The following SLCO1B3 variants were observed in gnomAD, a reference collection of about 807,000 sequenced individuals.
The protein encoded by SLCO1B3 is liver-specific organic anion transporter 2.
A neutral mutation model predicts 71.8 loss-of-function variants in SLCO1B3; 72 were observed. The observed-to-expected ratio is 1.00, with a 90% CI of 0.83 to 1.22. SLCO1B3 has a LOEUF of 1.22. Ranked by LOEUF, SLCO1B3 falls within the 50% of genes most tolerant of loss-of-function variation. The probability of loss-of-function intolerance (pLI) is 0.00; values close to 1 mark genes in which losing one functional copy is unlikely to be tolerated. For missense variants in SLCO1B3, 911 were observed against 819.7 expected (o/e 1.11, Z -1.36); for synonymous variants, 298 against 278.4 (o/e 1.07, Z -0.70).
In SLCO1B3 at chr12:20,910,663, C is replaced by T. The variant is rs368752900; in HGVS notation, c.1866-5341C>T. On this transcript the variant is annotated intron_variant, in intron 15 of 15. Transcript: ENST00000381545. ...GAGTTGTATAGTTTTCTGCCTATGC[C>T]TTTTGTATATATTTTGCTAAATTTA... is the stretch of plus-strand genomic sequence containing the variant. Among the ~76,000 whole-genome samples, 125 of 152,140 alleles carry T rather than the reference C, an allele frequency of 8.2e-4. 2 individuals carry two copies. In the South Asian group the frequency reaches 0.025, roughly 30 times the overall value.
At chr12:20,879,409 A>G in intron 10 of SLCO1B3, 27 bp from the exon 11 acceptor site, 1 of 1,472,142 alleles carries the variant, frequency 6.8e-7, no homozygotes. Context: ...GTATAATTAT[A>G]GCTTTTTTCT....
intron 5 of SLCO1B3, chr12:20,859,016 G>T (rs142435455): frequency 2.6e-5 from 4 of 152,368 alleles, no homozygotes; most frequent in African/African-American, 9.6e-5. Flanking sequence ...GCTCATATGA[G>T]AAAACTGAAA....
At chr12:20,902,425 T>C (rs1866148212) in intron 15 of SLCO1B3, 2 of 152,364 alleles carry the variant, frequency 1.3e-5, no homozygotes, top group African/African-American at 4.8e-5. Context: ...ATTAGTGATG[T>C]TGAATCCTAA....
chr12:20,890,392 TA>T (rs746755039), intron 13 of SLCO1B3, among the ~76,000 whole-genome samples: 60 of 152,290 alleles, frequency 3.9e-4, no homozygotes, highest in African/African-American at 1.4e-3. Flanking sequence ...TTTTGAGTTT[TA>T]AAAAAAATCA....
At chr12:20,903,492 A>G (rs1866170300) in intron 15 of SLCO1B3, among the ~76,000 whole-genome samples, 1 of 152,182 alleles carries the variant, frequency 6.6e-6, no homozygotes, top group African/African-American at 2.4e-5. Context: ...AGGCTTAACA[A>G]GAAGCATGAC....
intron 1 of SLCO1B3, among the ~76,000 whole-genome samples, chr12:20,812,942 A>G (rs1864133119): frequency 6.6e-6 from 1 of 152,254 alleles, no homozygotes. Flanking sequence ...ATGAAGAAAC[A>G]GAGATATTCG....
At chr12:20,817,219 G>C (rs925296763) in intron 3 of SLCO1B3, among the ~76,000 whole-genome samples, 3 of 152,106 alleles carry the variant, frequency 2.0e-5, no homozygotes, top group African/African-American at 7.2e-5. Flanking sequence ...GATCCTGTTT[G>C]TCAATTTTTC....
chr12:20,831,542 C>T (rs1384112166), intron 3 of SLCO1B3, among the ~76,000 whole-genome samples: 2 of 152,052 alleles, frequency 1.3e-5, no homozygotes, highest in African/African-American at 4.8e-5. Flanking sequence ...TTTGTAAAGA[C>T]TTGTGTGTCT....
chr12:20,818,989 G>C (rs1489119765), intron 3 of SLCO1B3, among the ~76,000 whole-genome samples: 2 of 152,260 alleles, frequency 1.3e-5, no homozygotes, highest in Middle Eastern at 3.2e-3. Context: ...TATGCGTCAG[G>C]TATGAGGAAG....
intron 8 of SLCO1B3, among the ~76,000 whole-genome samples, chr12:20,868,204 A>G (rs993976997): frequency 1.2e-4 from 18 of 152,214 alleles, no homozygotes; most frequent in Non-Finnish European, 2.2e-4. Context: ...ATAAAATTCA[A>G]CATCCCTTCA....
rs566620231 is a variant in SLCO1B3, at chr12:20,909,463, A to G, written c.1866-6541A>G. On this transcript the variant is annotated intron_variant, in intron 15 of 15. Transcript: ENST00000381545. ...GCTGGGATTACAGGTGTGAGCCACC[A>G]CACCCGGTCATGAAGCATCTTCTTA... Among the ~76,000 whole-genome samples the G allele has an allele frequency of 1.6e-3, 239 of 151,332 alleles. 1 individual carries two copies. Among genetic ancestry groups the G allele is most frequent in the African/African-American group, 4.6e-3 (190 of 41,276 alleles).
chr12:20,811,371 G>A lies in SLCO1B3; in HGVS notation c.-181+607G>A, dbSNP rs557860018. On this transcript the variant is annotated intron_variant, in intron 1 of 15. Transcript: ENST00000381545. ...AGAATTAACAGCTCAATAAATAATG[G>A]TCCCCTTCACCCATTCAGGAAGGTG... Among the ~76,000 whole-genome samples, 18 of 152,190 alleles carry A rather than the reference G, an allele frequency of 1.2e-4. No homozygotes were observed. The South Asian group carries it at 3.7e-3, about 32-fold the overall frequency.
intron 12 of SLCO1B3, 45 bp downstream of exon 12, chr12:20,881,065 A>G (rs370961621): frequency 7.3e-7 from 1 of 1,369,286 alleles, no homozygotes; most frequent in Non-Finnish European, 1.0e-6. Context: ...AATCAAAATC[A>G]CAGATTTGAT....
chr12:20,909,341 T>TTTG (rs1051069732), intron 15 of SLCO1B3, among the ~76,000 whole-genome samples: 2 of 149,016 alleles, frequency 1.3e-5, no homozygotes, highest in African/African-American at 4.9e-5. Flanking sequence ...AATTTTTTTT[T>TTTG]TTTTTGTATT....
intron 8 of SLCO1B3, among the ~76,000 whole-genome samples, chr12:20,863,387 A>G (rs2121256514): frequency 6.6e-6 from 1 of 152,282 alleles, no homozygotes; most frequent in South Asian, 2.1e-4. Flanking sequence ...AGGATGCATA[A>G]ATAAAATTTA....
chr12:20,888,748 G>A (rs1865841128), intron 13 of SLCO1B3, among the ~76,000 whole-genome samples: 1 of 151,900 alleles, frequency 6.6e-6, no homozygotes, highest in Non-Finnish European at 1.5e-5. Context: ...AGTGAAAGTG[G>A]GCATCCTCAT....
At chr12:20,823,935 T>C (rs1047595815) in intron 3 of SLCO1B3, among the ~76,000 whole-genome samples, 1 of 152,126 alleles carries the variant, frequency 6.6e-6, no homozygotes, top group African/African-American at 2.4e-5. Flanking sequence ...AATCGGAAAA[T>C]GTCATTCCAG....
At chr12:20,814,686 C>T (rs909093807) in intron 2 of SLCO1B3, among the ~76,000 whole-genome samples, 7 of 151,980 alleles carry the variant, frequency 4.6e-5, no homozygotes, top group Admixed American at 1.3e-4. Flanking sequence ...GTCAGGAGAT[C>T]GAGACCATGC....
chr12:20,916,293 C>CT lies in SLCO1B3; in HGVS notation c.*49dup. ...ATGTTATTTTTGAGGTGTTCCTGGT[C>CT]TTTCACTGACAATTCCAACATTCTT... On this transcript the variant is annotated 3_prime_UTR_variant, in exon 16 of 16. Transcript: ENST00000381545. The CT allele has an allele frequency of 6.4e-7, 1 of 1,559,734 alleles. No homozygotes were observed. Among genetic ancestry groups the CT allele is most frequent in the Non-Finnish European group, 8.7e-7 (1 of 1,143,774 alleles).
Sources: allele counts gnomAD v4.1 joint callset (sites outside exome capture counted in the v4.1 genomes callset), GRCh38; gene constraint gnomAD v4.1.1; transcripts MANE v1.5; gene names NCBI Gene and HGNC (gene_info 2026-07-23, HGNC 2026-07-21).